The following MPPED1 variants were observed in gnomAD, a reference collection of about 807,000 sequenced individuals.
The protein encoded by MPPED1 is metallophosphoesterase domain containing 1.
In MPPED1, 16 loss-of-function variants were observed where a neutral mutation model predicts 36.2. The ratio of observed to expected loss-of-function variants is 0.44; its 90% CI spans 0.30 to 0.67. MPPED1 has a LOEUF of 0.67. Among genes scored for constraint, MPPED1 ranks in the 30% least tolerant of loss-of-function variants. MPPED1 has a pLI of 0.10. For synonymous variants in MPPED1, 199 were observed against 191.3 expected (o/e 1.04, Z -0.33); for missense variants, 307 against 453.4 (o/e 0.68, Z 2.93).
chr22:43,488,987 C>T (rs1036854860), intron 4 of MPPED1, among the ~76,000 whole-genome samples: 5 of 152,304 alleles, frequency 3.3e-5, no homozygotes, highest in Non-Finnish European at 1.5e-5. Context: ...CTCAGGCATT[C>T]GTGAGTCTCA....
intron 3 of MPPED1, among the ~76,000 whole-genome samples, chr22:43,464,430 T>C (rs569129294): frequency 5.3e-5 from 8 of 152,110 alleles, no homozygotes; most frequent in Non-Finnish European, 8.8e-5. Context: ...CACCTGTTTT[T>C]CTCCCCAGTT....
intron 6 of MPPED1, among the ~76,000 whole-genome samples, chr22:43,504,349 A>C (rs79100674): frequency 1.3e-5 from 2 of 151,912 alleles, no homozygotes; most frequent in African/African-American, 4.8e-5. Flanking sequence ...GGCATCATCA[A>C]TGATGACAAT....
intron 4 of MPPED1, among the ~76,000 whole-genome samples, chr22:43,488,615 G>A (rs752418176): frequency 2.0e-5 from 3 of 152,192 alleles, no homozygotes; most frequent in Admixed American, 6.5e-5. Context: ...TGTATTCAGC[G>A]CTCTGTTAAA....
intron 4 of MPPED1, among the ~76,000 whole-genome samples, chr22:43,482,818 G>C (rs572157306): frequency 1.8e-4 from 28 of 152,224 alleles, no homozygotes; most frequent in Non-Finnish European, 3.7e-4. Flanking sequence ...TCGTGGCACT[G>C]GCCTTTGACG....
At chr22:43,439,795 A>G (rs1930085559) in intron 3 of MPPED1, among the ~76,000 whole-genome samples, 1 of 152,032 alleles carries the variant, frequency 6.6e-6, no homozygotes, top group Non-Finnish European at 1.5e-5. Context: ...CAGCAGCACC[A>G]TTTCCCTCCA....
chr22:43,461,939 G>A (rs1170718552), intron 3 of MPPED1, among the ~76,000 whole-genome samples: 1 of 152,198 alleles, frequency 6.6e-6, no homozygotes, highest in East Asian at 1.9e-4. Flanking sequence ...CGGGGAGGTG[G>A]CTGAAGTTCC....
intron 3 of MPPED1, among the ~76,000 whole-genome samples, chr22:43,459,317 G>C (rs1930864233): frequency 6.6e-6 from 1 of 152,144 alleles, no homozygotes; most frequent in Non-Finnish European, 1.5e-5. Context: ...TGAACTCCTG[G>C]CTTCAAGTAA....
intron 3 of MPPED1, among the ~76,000 whole-genome samples, chr22:43,465,311 C>T (rs760203725): frequency 5.3e-5 from 8 of 152,242 alleles, no homozygotes; most frequent in Admixed American, 2.6e-4. Context: ...ATGGGCTCAT[C>T]TCATCCTAAC....
intron 2 of MPPED1, among the ~76,000 whole-genome samples, chr22:43,426,876 G>A (rs866650684): frequency 2.0e-5 from 3 of 152,234 alleles, no homozygotes; most frequent in Non-Finnish European, 4.4e-5. Flanking sequence ...GAGCCCGATT[G>A]GCGGGTTTGG....
At chr22:43,412,478 G>A (rs1928936388) in intron 1 of MPPED1, among the ~76,000 whole-genome samples, 1 of 152,162 alleles carries the variant, frequency 6.6e-6, no homozygotes, top group African/African-American at 2.4e-5. Context: ...GCGGGCTGGT[G>A]GAGTGCCAGT....
At chr22:43,478,821 G>A (rs1021172813) in intron 4 of MPPED1, among the ~76,000 whole-genome samples, 3 of 152,170 alleles carry the variant, frequency 2.0e-5, no homozygotes, top group Non-Finnish European at 4.4e-5. Context: ...CCTTGAGGGT[G>A]TCAGGTAGCC....
intron 4 of MPPED1, among the ~76,000 whole-genome samples, chr22:43,492,188 C>T (rs943514562): frequency 1.3e-5 from 2 of 152,034 alleles, no homozygotes; most frequent in Non-Finnish European, 2.9e-5. Context: ...TTTCAACAGC[C>T]GTATTGAGTA....
chr22:43,421,498 G>A (rs1157873765), intron 1 of MPPED1, among the ~76,000 whole-genome samples: 1 of 152,214 alleles, frequency 6.6e-6, no homozygotes, highest in Non-Finnish European at 1.5e-5. Flanking sequence ...GGGCAAAGAC[G>A]GGTGGGGGCC....
intron 1 of MPPED1, among the ~76,000 whole-genome samples, chr22:43,419,596 G>A (rs1048119223): frequency 2.0e-5 from 3 of 152,076 alleles, no homozygotes; most frequent in African/African-American, 4.8e-5. Flanking sequence ...ACCTGAGGGC[G>A]GCAGCTGCTC....
chr22:43,436,403 C>T (rs1487815836), intron 3 of MPPED1, among the ~76,000 whole-genome samples: 1 of 152,242 alleles, frequency 6.6e-6, no homozygotes, highest in East Asian at 1.9e-4. Flanking sequence ...TGAGGCAGGG[C>T]AGCCGCGGTG....
intron 2 of MPPED1, among the ~76,000 whole-genome samples, chr22:43,425,803 A>T (rs1363992216): frequency 2.0e-5 from 3 of 152,166 alleles, no homozygotes; most frequent in Non-Finnish European, 2.9e-5. Context: ...TTCCAAAAGG[A>T]CTGGGGGATT....
At chr22:43,505,422 C>A in intron 6 of MPPED1, 76 bp from the exon 7 acceptor site, 1 of 1,331,380 alleles carries the variant, frequency 7.5e-7, no homozygotes, top group Non-Finnish European at 1.0e-6. Context: ...GGCTGAGTGC[C>A]CTATGACTGC....
intron 3 of MPPED1, among the ~76,000 whole-genome samples, chr22:43,456,380 G>T (rs1930754460): frequency 6.6e-6 from 1 of 152,224 alleles, no homozygotes; most frequent in Admixed American, 6.5e-5. Context: ...TCCTGCCTCA[G>T]CCTCCCAAAT....
chr22:43,496,165 G>A (rs1360156573), intron 4 of MPPED1, among the ~76,000 whole-genome samples: 2 of 105,028 alleles, frequency 1.9e-5, no homozygotes, highest in Non-Finnish European at 3.8e-5. Context: ...TGGTGGTGGA[G>A]GTGGTGATGG....
Sources: gnomAD v4.1 joint callset for allele counts (sites outside exome capture counted in the v4.1 genomes callset) on GRCh38, gnomAD v4.1.1 for gene constraint, MANE v1.5 for transcripts, NCBI Gene and HGNC (gene_info 2026-07-23, HGNC 2026-07-21) for gene names.